Variants in RFX2 observed in about 807,000 individuals in gnomAD.
RFX2 encodes the protein DNA-binding protein RFX2.
RFX2 carries 20 observed loss-of-function variants against 87.8 expected under a neutral mutation model. The ratio of observed to expected loss-of-function variants is 0.23; its 90% CI spans 0.16 to 0.33. The LOEUF is 0.33. RFX2 is among the 10% of genes least tolerant of loss of function. RFX2 has a pLI of 1.00. For missense variants in RFX2, 767 were observed against 1,012.3 expected (o/e 0.76, Z 3.29); for synonymous variants, 397 against 431.3 (o/e 0.92, Z 0.98).
At chr19:6,094,268 T>C (rs1239420265) in intron 1 of RFX2, among the ~76,000 whole-genome samples, 1 of 152,046 alleles carries the variant, frequency 6.6e-6, no homozygotes, top group African/African-American at 2.4e-5. Context: ...TTTTTAATGA[T>C]GAAAACGTAA....
chr19:6,072,908 T>A, intron 1 of RFX2: 4 of 1,017,802 alleles, frequency 3.9e-6, no homozygotes, highest in Non-Finnish European at 6.1e-6. Context: ...GACCAACATG[T>A]CAAAATTAAG....
At position 6,012,980 on chromosome 19, in the gene RFX2, AC is replaced by A; in HGVS notation, c.899+5del. Reference sequence around the variant, plus strand: ...CCAGCTCCTCCCAGCTCGGCCCGGCACCCACCTGGGCTTCTGGTGCATGGGC... The same window carrying A: ...CCAGCTCCTCCCAGCTCGGCCCGGCACCACCTGGGCTTCTGGTGCATGGGC... On this transcript the variant is annotated splice_donor_5th_base_variant and intron_variant, in intron 8 of 17. Coordinates refer to ENST00000303657, the MANE Select transcript of RFX2 (RefSeq NM_000635.4). This position sits in a 1 kb window ranked among gnomAD's most constrained non-coding sequence, Gnocchi z 4.6. 1.3e-6 allele frequency: 2 copies of A among 1,530,820 alleles called. No homozygotes were observed. Among genetic ancestry groups the A allele is most frequent in the Non-Finnish European group, 1.8e-6 (2 of 1,138,558 alleles). 94.8% of individuals were successfully genotyped at this position (1,530,820 alleles called of 1,614,324 possible). A position where few individuals can be genotyped will look rare whatever the true frequency, so the allele number is the denominator to read the frequency against.
At chr19:6,037,100 T>C (rs2087035615) in intron 5 of RFX2, among the ~76,000 whole-genome samples, 1 of 151,794 alleles carries the variant, frequency 6.6e-6, no homozygotes, top group South Asian at 2.1e-4. Context: ...CTGGTTAACA[T>C]GGTGAAACTC....
intron 17 of RFX2, among the ~76,000 whole-genome samples, chr19:5,995,197 G>A (rs142854181): frequency 0.013 from 1,908 of 152,286 alleles, 14 homozygotes; most frequent in Non-Finnish European, 0.019. Context: ...TCCCAGCGCC[G>A]ACGGGCCTGG....
At chr19:6,075,542 C>T (rs182938695) in intron 1 of RFX2, among the ~76,000 whole-genome samples, 28 of 152,268 alleles carry the variant, frequency 1.8e-4, no homozygotes, top group Middle Eastern at 3.4e-3. Context: ...GGTTTGCTGA[C>T]GGGTTTGACA....
In RFX2 at chr19:6,040,442, G is replaced by C. The variant is rs945528960; in HGVS notation, c.261-201C>G. Reference sequence around the variant, plus strand: ...TGTTGCAAAATCTTTAGGACCACAGGCTGACTTATCAAAAAGTGACCACTT... The same window carrying C: ...TGTTGCAAAATCTTTAGGACCACAGCCTGACTTATCAAAAAGTGACCACTT... On this transcript the variant is annotated intron_variant, in intron 4 of 17. Transcript: ENST00000303657. The surrounding 1 kb of genome is among the most constrained non-coding windows in gnomAD (Gnocchi z 6.1). Among the ~76,000 whole-genome samples the C allele has an allele frequency of 6.6e-6, 1 of 152,184 alleles. No homozygotes were observed. The highest frequency in any genetic ancestry group is 2.4e-5 in the African/African-American group (1 of 41,450).
chr19:6,077,125 T>C (rs1200175421), intron 1 of RFX2: 1 of 152,272 alleles, frequency 6.6e-6, no homozygotes, highest in Non-Finnish European at 1.5e-5. Context: ...AAAACAGTGA[T>C]TGATGCGGAC....
intron 1 of RFX2, among the ~76,000 whole-genome samples, chr19:6,084,130 G>A (rs2087822922): frequency 6.6e-6 from 1 of 152,140 alleles, no homozygotes; most frequent in Non-Finnish European, 1.5e-5. Context: ...CAAAAGCAGA[G>A]TTAGCCCAGT....
rs1215495941 is a variant in RFX2 at position 6,045,036 on chromosome 19, G to A, written c.91-754C>T. ...AACAGGAGTGTTTTGTGTGTTTATTGAGAGCTGGGGCTTTCGGAGTCATTG... is the reference window on the plus strand; with the variant it reads ...AACAGGAGTGTTTTGTGTGTTTATTAAGAGCTGGGGCTTTCGGAGTCATTG... On this transcript the variant is annotated intron_variant, in intron 2 of 17. Coordinates refer to ENST00000303657, the MANE Select transcript of RFX2 (RefSeq NM_000635.4). This position sits in a 1 kb window ranked among gnomAD's most constrained non-coding sequence, Gnocchi z 5.2. Among the ~76,000 whole-genome samples the A allele has an allele frequency of 6.6e-6, 1 of 152,218 alleles. No homozygotes were observed. The highest frequency in any genetic ancestry group is 2.4e-5 in the African/African-American group (1 of 41,454).
At chr19:5,995,533 G>A in intron 17 of RFX2, 68 bp downstream of exon 17, 3 of 1,467,446 alleles carry the variant, frequency 2.0e-6, no homozygotes, top group East Asian at 4.9e-5. Context: ...AGATGGGGCA[G>A]ACAGGCCACG....
intron 1 of RFX2, among the ~76,000 whole-genome samples, chr19:6,069,823 G>A (rs933370048): frequency 2.6e-5 from 4 of 152,200 alleles, no homozygotes; most frequent in Non-Finnish European, 5.9e-5. Flanking sequence ...TGGCTCTTTT[G>A]AGGAATTTTT....
intron 1 of RFX2, among the ~76,000 whole-genome samples, chr19:6,080,254 C>CAG (rs140111900): frequency 0.021 from 2,663 of 127,826 alleles, 40 homozygotes; most frequent in African/African-American, 0.059. Context: ...GAGAGAGAGA[C>CAG]AGAGAGAGAG....
chr19:6,062,123 C>T (rs1599894423), intron 1 of RFX2, among the ~76,000 whole-genome samples: 1 of 152,102 alleles, frequency 6.6e-6, no homozygotes, highest in African/African-American at 2.4e-5. Flanking sequence ...TGCACTACTG[C>T]ACTCCAGCCT....
At chr19:6,100,986 G>T (rs2088118787) in intron 1 of RFX2, among the ~76,000 whole-genome samples, 1 of 151,762 alleles carries the variant, frequency 6.6e-6, no homozygotes, top group Non-Finnish European at 1.5e-5. Context: ...CAAAAGATTT[G>T]CTCCTGAGAC....
intron 1 of RFX2, among the ~76,000 whole-genome samples, chr19:6,068,674 A>G (rs960118932): frequency 5.9e-5 from 9 of 152,088 alleles, no homozygotes; most frequent in African/African-American, 2.2e-4. Flanking sequence ...AGGTGGGACA[A>G]TGCCTGGCTT....
intron 5 of RFX2, among the ~76,000 whole-genome samples, chr19:6,036,493 A>G (rs2087025986): frequency 6.6e-6 from 1 of 152,178 alleles, no homozygotes; most frequent in South Asian, 2.1e-4. Flanking sequence ...CAGAACCAAA[A>G]ACAAACAAAC....
intron 1 of RFX2, among the ~76,000 whole-genome samples, chr19:6,104,393 C>A (rs558058635): frequency 1.7e-4 from 26 of 149,450 alleles, no homozygotes; most frequent in African/African-American, 5.4e-4. Context: ...CACGGTGAAA[C>A]CCCGTCTCTA....
Position 6,012,821 on chromosome 19 carries a change from G to A in RFX2, c.899+165C>T, listed in dbSNP as rs2086677237. On this transcript the variant is annotated intron_variant, in intron 8 of 17. Transcript: ENST00000303657. This position sits in a 1 kb window ranked among gnomAD's most constrained non-coding sequence, Gnocchi z 4.6. ...AGGAGGTTGCATCCCAGCCTCCTGT[G>A]TCTCCTGCTAGACTCACCTCAGTCT... is the stretch of plus-strand genomic sequence containing the variant. Among the ~76,000 whole-genome samples the A allele has an allele frequency of 6.6e-6, 1 of 152,210 alleles. No individual in the cohort carries two copies. The highest frequency in any genetic ancestry group is 2.4e-5 in the African/African-American group (1 of 41,450).
At chr19:6,095,652 C>G (rs1302071520) in intron 1 of RFX2, among the ~76,000 whole-genome samples, 1 of 151,916 alleles carries the variant, frequency 6.6e-6, no homozygotes, top group African/African-American at 2.4e-5. Flanking sequence ...AGAGACCAAG[C>G]TGGGTGGAGC....
Sources: allele counts gnomAD v4.1 joint callset (sites outside exome capture counted in the v4.1 genomes callset), GRCh38; gene constraint gnomAD v4.1.1; non-coding constraint Gnocchi (gnomAD v3.1); transcripts MANE v1.5; gene names NCBI Gene and HGNC (gene_info 2026-07-23, HGNC 2026-07-21).